RCOR3: variants seen among roughly 807,000 people sequenced by gnomAD.
The protein encoded by RCOR3 is REST corepressor 3.
RCOR3 carries 13 observed loss-of-function variants against 64.1 expected under a neutral mutation model. That is an observed-to-expected ratio of 0.20 (90% CI 0.13 to 0.32). RCOR3 has a LOEUF of 0.32. RCOR3 is among the 10% of genes least tolerant of loss of function. RCOR3 has a pLI of 1.00. For synonymous variants in RCOR3, 215 were observed against 239.0 expected (o/e 0.90, Z 0.93); for missense variants, 489 against 701.2 (o/e 0.70, Z 3.42).
At chr1:211,302,418 A>C (rs1700470116) in intron 9 of RCOR3, 1 of 152,230 alleles carries the variant, frequency 6.6e-6, no homozygotes, top group Non-Finnish European at 1.5e-5. Flanking sequence ...TCACAAAAGA[A>C]TAATTTGAGA....
At chr1:211,288,301 C>T (rs1006846301) in intron 7 of RCOR3, among the ~76,000 whole-genome samples, 5 of 151,242 alleles carry the variant, frequency 3.3e-5, no homozygotes, top group South Asian at 4.2e-4. Context: ...TTCAGAATAA[C>T]GTGTTTTTAT....
chr1:211,298,789 G>A (rs954075674), intron 9 of RCOR3, among the ~76,000 whole-genome samples: 24 of 152,064 alleles, frequency 1.6e-4, no homozygotes, highest in African/African-American at 5.1e-4. Flanking sequence ...GGCGGATCAC[G>A]AGGTCAGGAG....
intron 7 of RCOR3, among the ~76,000 whole-genome samples, chr1:211,280,747 G>GC (rs1228429424): frequency 2.6e-5 from 4 of 152,174 alleles, no homozygotes. Context: ...ACTTCGGGAG[G>GC]CCAAGGCAGG....
At chr1:211,276,137 T>G in intron 4 of RCOR3, 120 bp from the exon 5 acceptor site, 2 of 914,450 alleles carry the variant, frequency 2.2e-6, no homozygotes, top group South Asian at 3.9e-5. Flanking sequence ...TCCCAAACTG[T>G]GAGTCTATCT....
In RCOR3 at chr1:211,316,308, T is replaced by C. The variant is rs1011515867; in HGVS notation, c.*2540T>C. 2.0e-5 allele frequency: 3 copies of C among 152,202 alleles called. No homozygotes were observed. The highest frequency in any genetic ancestry group is 2.0e-4 in the Admixed American group (3 of 15,278). The allele number at this position is 152,202 out of a possible 1,614,324, so 9.4% of individuals were successfully genotyped here. On this transcript the variant is annotated 3_prime_UTR_variant, in exon 12 of 12. Coordinates refer to ENST00000419091, the MANE Select transcript of RCOR3 (RefSeq NM_001136223.3). Reference sequence around the variant, plus strand: ...ATATGGATGAGGTAAGAGTAAGTTATGATCAAACTTTTTATGTTCTTAATA... The same window carrying C: ...ATATGGATGAGGTAAGAGTAAGTTACGATCAAACTTTTTATGTTCTTAATA...
In RCOR3 at chr1:211,313,831, C is replaced by A; in HGVS notation, c.*63C>A. 2 of 1,374,752 alleles carry A rather than the reference C, an allele frequency of 1.5e-6. No homozygotes were observed. Among genetic ancestry groups the A allele is most frequent in the Admixed American group, 2.0e-5 (1 of 51,152 alleles). The allele number at this position is 1,374,752 out of a possible 1,614,324, so 85.2% of individuals were successfully genotyped here. A position where few individuals can be genotyped will look rare whatever the true frequency, so the allele number is the denominator to read the frequency against. The stretch of plus-strand genomic sequence containing the variant: ...CATCATTATACCAGTGCTCATCTGA[C>A]TGATGAAAAAGAGGAAAGAATAATC... On this transcript the variant is annotated 3_prime_UTR_variant, in exon 12 of 12. Transcript: ENST00000419091. This position sits in a 1 kb window ranked among gnomAD's most constrained non-coding sequence, Gnocchi z 4.7.
In RCOR3 at chr1:211,313,414, T is replaced by C; in HGVS notation, c.1318-10T>C. 1 of 1,604,932 alleles carries C rather than the reference T, an allele frequency of 6.2e-7. No homozygotes were observed. The highest frequency in any genetic ancestry group is 8.5e-7 in the Non-Finnish European group (1 of 1,173,756). On this transcript the variant is annotated splice_polypyrimidine_tract_variant and intron_variant, in intron 11 of 11. Transcript: ENST00000419091. The surrounding 1 kb of genome is among the most constrained non-coding windows in gnomAD (Gnocchi z 4.7). ...ATCTCATACGTGTATTTTTGTTTCC[T>C]CACCTCTAGGCACAGACCCCACAGG...
chr1:211,259,479 T>TC lies in RCOR3; in HGVS notation c.-79dup, dbSNP rs1389434052. On this transcript the variant is annotated 5_prime_UTR_variant, in exon 1 of 12. Coordinates refer to ENST00000419091, the MANE Select transcript of RCOR3 (RefSeq NM_001136223.3). ...CGTCTCCTCCTCCTCCTCCTTTCCCTCCCGCCCGCGCTCTAAGCCATCTCC... is the reference window on the plus strand; with the variant it reads ...CGTCTCCTCCTCCTCCTCCTTTCCCTCCCCGCCCGCGCTCTAAGCCATCTCC... 7.2e-7 allele frequency: 1 copy of TC among 1,397,238 alleles called. No individual in the cohort carries two copies. Among genetic ancestry groups the TC allele is most frequent in the African/African-American group, 1.5e-5 (1 of 66,526 alleles). The allele number at this position is 1,397,238 out of a possible 1,614,324, so 86.6% of individuals were successfully genotyped here.
chr1:211,276,175 T>C (rs1196917688), intron 4 of RCOR3, 82 bp from the exon 5 acceptor site: 6 of 1,346,784 alleles, frequency 4.5e-6, no homozygotes, highest in Non-Finnish European at 5.1e-6. Flanking sequence ...CTTAAGATTT[T>C]AATCTAATTT....
rs1701661528 is a variant in RCOR3, at chr1:211,313,130, C to A, written c.1317+169C>A. ...GTGACTCTTAAGTCATAATGACATG[C>A]TAAGTTCTGATTCTAGAAGAATGGA... On this transcript the variant is annotated intron_variant, in intron 11 of 11. Transcript: ENST00000419091. The surrounding 1 kb of genome is among the most constrained non-coding windows in gnomAD (Gnocchi z 4.7). 1 of 1,490,974 alleles carries A rather than the reference C, an allele frequency of 6.7e-7. No individual in the cohort carries two copies. The allele number at this position is 1,490,974 out of a possible 1,614,324, so 92.4% of individuals were successfully genotyped here. A position where few individuals can be genotyped will look rare whatever the true frequency, so the allele number is the denominator to read the frequency against.
At chr1:211,270,890 C>G (rs1451547104) in intron 2 of RCOR3, among the ~76,000 whole-genome samples, 1 of 148,896 alleles carries the variant, frequency 6.7e-6, no homozygotes, top group East Asian at 2.0e-4. Flanking sequence ...GAGTCTCGCT[C>G]TTTCACCCAG....
intron 2 of RCOR3, among the ~76,000 whole-genome samples, chr1:211,263,361 G>T (rs1007440235): frequency 6.6e-6 from 1 of 151,994 alleles, no homozygotes; most frequent in African/African-American, 2.4e-5. Flanking sequence ...AACCTAAATA[G>T]AATATTTGAG....
chr1:211,280,085 A>G (rs1697567393), intron 7 of RCOR3, among the ~76,000 whole-genome samples: 1 of 152,236 alleles, frequency 6.6e-6, no homozygotes, highest in Admixed American at 6.5e-5. Context: ...AAGAGGTAAT[A>G]TGTATAAAAG....
chr1:211,291,722 C>T (rs1414021985), intron 8 of RCOR3: 2 of 349,576 alleles, frequency 5.7e-6, no homozygotes, highest in African/African-American at 4.8e-5. Flanking sequence ...TAACATAGGC[C>T]ACATTTGCTT....
At chr1:211,305,512 A>C (rs772456321) in intron 10 of RCOR3, among the ~76,000 whole-genome samples, 3 of 152,170 alleles carry the variant, frequency 2.0e-5, no homozygotes, top group Admixed American at 1.3e-4. Flanking sequence ...CTTTTTATTC[A>C]TGTAAAGTCT....
At position 211,312,338 on chromosome 1, in the gene RCOR3, A is replaced by G. The variant is rs575629231; in HGVS notation, c.1076-382A>G. The G allele has an allele frequency of 1.3e-5, 6 of 461,134 alleles. No homozygotes were observed. The highest frequency in any genetic ancestry group is 2.6e-5 in the Non-Finnish European group (6 of 230,326). The allele number at this position is 461,134 out of a possible 1,614,324, so 28.6% of individuals were successfully genotyped here. ...TCCCATCCAGTTTTGTTTACAAACG[A>G]TGTTGCTCAAATTTAGGTGACTGGC... On this transcript the variant is annotated intron_variant, in intron 10 of 11. Coordinates refer to ENST00000419091, the MANE Select transcript of RCOR3 (RefSeq NM_001136223.3). This position sits in a 1 kb window ranked among gnomAD's most constrained non-coding sequence, Gnocchi z 5.0.
In RCOR3 at chr1:211,316,185, T is replaced by A. The variant is rs901362626; in HGVS notation, c.*2417T>A. On this transcript the variant is annotated 3_prime_UTR_variant, in exon 12 of 12. Coordinates refer to ENST00000419091, the MANE Select transcript of RCOR3 (RefSeq NM_001136223.3). The stretch of plus-strand genomic sequence containing the variant: ...TTTTGAGAAATCTACACCAAAGTGG[T>A]TTTTTAAAATTACATAACTAAAAAT... 2.0e-5 allele frequency: 3 copies of A among 152,162 alleles called. No individual in the cohort carries two copies. The highest frequency in any genetic ancestry group is 2.9e-5 in the Non-Finnish European group (2 of 68,030). 9.4% of individuals were successfully genotyped at this position (152,162 alleles called of 1,614,324 possible). A position where few individuals can be genotyped will look rare whatever the true frequency, so the allele number is the denominator to read the frequency against.
At chr1:211,306,538 TAGA>T (rs1700869606) in intron 10 of RCOR3, among the ~76,000 whole-genome samples, 1 of 152,188 alleles carries the variant, frequency 6.6e-6, no homozygotes, top group Non-Finnish European at 1.5e-5. Context: ...TGGCTCATAG[TAGA>T]AGACTATTAC....
At chr1:211,264,818 C>A (rs1243823157) in intron 2 of RCOR3, among the ~76,000 whole-genome samples, 1 of 152,178 alleles carries the variant, frequency 6.6e-6, no homozygotes, top group Non-Finnish European at 1.5e-5. Flanking sequence ...AATGTCTTTA[C>A]TAACTAGATT....
Sources: gnomAD v4.1 joint callset for allele counts (sites outside exome capture counted in the v4.1 genomes callset) on GRCh38, gnomAD v4.1.1 for gene constraint, Gnocchi (gnomAD v3.1) non-coding constraint, MANE v1.5 for transcripts, NCBI Gene and HGNC (gene_info 2026-07-23, HGNC 2026-07-21) for gene names.